The following BMAL1 variants were observed in gnomAD, a reference collection of about 807,000 sequenced individuals.
BMAL1 encodes basic helix-loop-helix ARNT-like protein 1.
the BMAL1 span, among the ~76,000 whole-genome samples, chr11:13,368,753 C>T: frequency 1.3e-5 from 2 of 152,110 alleles, no homozygotes; most frequent in Non-Finnish European, 2.9e-5. Flanking sequence ...CCCAGAGATT[C>T]TAATTTGGTT....
the BMAL1 span, chr11:13,376,733 C>G: frequency 6.2e-7 from 1 of 1,612,916 alleles, no homozygotes; most frequent in Non-Finnish European, 8.5e-7. Flanking sequence ...GAGAAGGTAA[C>G]TATGTGCTGC....
the BMAL1 span, among the ~76,000 whole-genome samples, chr11:13,303,590 CT>C: frequency 6.6e-6 from 1 of 152,214 alleles, no homozygotes; most frequent in Non-Finnish European, 1.5e-5. Context: ...GTGGCTGCTC[CT>C]GGTTAGCAGG....
chr11:13,381,592 G>A, the BMAL1 span, among the ~76,000 whole-genome samples: 4 of 152,182 alleles, frequency 2.6e-5, no homozygotes, highest in East Asian at 5.8e-4. Context: ...CTCATTTTCT[G>A]CCAGGAATTT....
chr11:13,355,348 G>A, the BMAL1 span: 4 of 1,568,174 alleles, frequency 2.6e-6, no homozygotes. Context: ...CTGGAGAGTG[G>A]GTATGAGGGC....
chr11:13,297,023 C>T, the BMAL1 span, among the ~76,000 whole-genome samples: 237 of 152,342 alleles, frequency 1.6e-3, no homozygotes, highest in Middle Eastern at 6.8e-3. Context: ...GCAGTCTCTA[C>T]AGCCCAGGTG....
At chr11:13,384,590 C>G in the BMAL1 span, among the ~76,000 whole-genome samples, 1 of 152,084 alleles carries the variant, frequency 6.6e-6, no homozygotes, top group South Asian at 2.1e-4. Flanking sequence ...CTCCCTTTTC[C>G]AACTACTTAT....
chr11:13,317,439 A>AT, the BMAL1 span, among the ~76,000 whole-genome samples: 1 of 152,228 alleles, frequency 6.6e-6, no homozygotes, highest in Admixed American at 6.5e-5. Context: ...TATGACCCAC[A>AT]TTGGTGACCC....
chr11:13,316,960 CTT>C, the BMAL1 span, among the ~76,000 whole-genome samples: 1 of 152,142 alleles, frequency 6.6e-6, no homozygotes, highest in Non-Finnish European at 1.5e-5. Context: ...AGCGTTGTGA[CTT>C]AAGACAAACC....
At chr11:13,371,942 T>G in the BMAL1 span, among the ~76,000 whole-genome samples, 1 of 152,232 alleles carries the variant, frequency 6.6e-6, no homozygotes, top group East Asian at 1.9e-4. Flanking sequence ...ATGTAATGAA[T>G]GTCCATGGTA....
the BMAL1 span, among the ~76,000 whole-genome samples, chr11:13,355,737 C>T: frequency 1.6e-4 from 24 of 152,206 alleles, no homozygotes; most frequent in Middle Eastern, 0.01. Flanking sequence ...GTGCGGCCTG[C>T]GTGATCTCTG....
the BMAL1 span, among the ~76,000 whole-genome samples, chr11:13,341,521 A>T: frequency 2.6e-5 from 4 of 152,342 alleles, no homozygotes; most frequent in African/African-American, 9.6e-5. Flanking sequence ...CCTAAGCCCT[A>T]GCCAGAAACA....
the BMAL1 span, among the ~76,000 whole-genome samples, chr11:13,364,865 T>G: frequency 6.6e-6 from 1 of 152,226 alleles, no homozygotes; most frequent in Non-Finnish European, 1.5e-5. Context: ...GATGGAGGGA[T>G]AACATTTGAG....
the BMAL1 span, among the ~76,000 whole-genome samples, chr11:13,335,045 G>T: frequency 1.3e-5 from 2 of 152,230 alleles, no homozygotes; most frequent in Admixed American, 1.3e-4. Flanking sequence ...TCGACTCAGA[G>T]ACCTGGAGGG....
chr11:13,301,676 A>T, the BMAL1 span, among the ~76,000 whole-genome samples: 8 of 152,174 alleles, frequency 5.3e-5, no homozygotes, highest in African/African-American at 1.9e-4. Context: ...ATGGAAGGAC[A>T]TGGGGCAATG....
the BMAL1 span, among the ~76,000 whole-genome samples, chr11:13,296,881 G>A: frequency 2.6e-5 from 4 of 152,126 alleles, no homozygotes; most frequent in African/African-American, 7.2e-5. Context: ...CCCATCTTGC[G>A]CTCGTGGCTC....
At chr11:13,346,112 T>C in the BMAL1 span, among the ~76,000 whole-genome samples, 1 of 152,232 alleles carries the variant, frequency 6.6e-6, no homozygotes, top group Non-Finnish European at 1.5e-5. Context: ...TCCAGGGCCT[T>C]GGCTAAAGGA....
At chr11:13,384,333 G>A in the BMAL1 span, among the ~76,000 whole-genome samples, 2 of 152,174 alleles carry the variant, frequency 1.3e-5, no homozygotes, top group African/African-American at 2.4e-5. Flanking sequence ...AATGAAATGT[G>A]TCAATATATA....
At chr11:13,291,283 C>G in the BMAL1 span, among the ~76,000 whole-genome samples, 1 of 152,130 alleles carries the variant, frequency 6.6e-6, no homozygotes, top group African/African-American at 2.4e-5. Context: ...CATCACAACC[C>G]TATGAGGGTT....
At chr11:13,305,842 C>G in the BMAL1 span, among the ~76,000 whole-genome samples, 1 of 152,136 alleles carries the variant, frequency 6.6e-6, no homozygotes, top group Non-Finnish European at 1.5e-5. Context: ...TGGTTATTAT[C>G]TACAAGTTTT....
Sources: gnomAD v4.1 joint callset for allele counts (sites outside exome capture counted in the v4.1 genomes callset) on GRCh38, gnomAD v4.1.1 for gene constraint, MANE v1.5 for transcripts, NCBI Gene and HGNC (gene_info 2026-07-23, HGNC 2026-07-21) for gene names.